Variants in LPAR1 observed in about 807,000 individuals in gnomAD.
LPAR1 encodes lysophosphatidic acid receptor 1, also known as LPA receptor 1.
A neutral mutation model predicts 23.8 loss-of-function variants in LPAR1; 5 were observed. The ratio of observed to expected loss-of-function variants is 0.21; its 90% CI spans 0.11 to 0.44. The LOEUF is 0.44. Among genes scored for constraint, LPAR1 ranks in the 20% least tolerant of loss-of-function variants. The probability of loss-of-function intolerance (pLI) is 0.99; values close to 1 mark genes in which losing one functional copy is unlikely to be tolerated. For synonymous variants in LPAR1, 160 were observed against 164.7 expected (o/e 0.97, Z 0.22); for missense variants, 311 against 482.8 (o/e 0.64, Z 3.33).
At chr9:110,952,935 A>G (rs1468054062) in intron 4 of LPAR1, among the ~76,000 whole-genome samples, 4 of 152,148 alleles carry the variant, frequency 2.6e-5, no homozygotes, top group Admixed American at 6.5e-5. Flanking sequence ...GCACCTGAGC[A>G]CACTTCCTGG....
At position 110,939,956 on chromosome 9, in the gene LPAR1, T is replaced by C. The variant is rs528052409; in HGVS notation, c.793+1465A>G. On this transcript the variant is annotated intron_variant, in intron 5 of 5. Transcript: ENST00000683809. The stretch of plus-strand genomic sequence containing the variant: ...TTATTTCATACAAAAATAGCATCCA[T>C]GGTAAACAAAGATGTGTTTTATCCA... 9.2e-5 allele frequency among the ~76,000 whole-genome samples: 14 copies of C among 152,360 alleles called. 1 individual carries two copies. In the South Asian group the frequency reaches 2.7e-3, roughly 29 times the overall value.
chr9:110,876,430 T>G (rs1254180300), intron 5 of LPAR1, among the ~76,000 whole-genome samples: 1 of 152,362 alleles, frequency 6.6e-6, no homozygotes, highest in South Asian at 2.1e-4. Context: ...ACCCACATAG[T>G]GCTGTCCTAT....
intron 4 of LPAR1, among the ~76,000 whole-genome samples, chr9:110,956,504 C>T (rs1296198787): frequency 1.7e-5 from 2 of 118,450 alleles, no homozygotes. Context: ...TACAAAGGAT[C>T]AACCAAAGAA....
chr9:110,947,290 G>A (rs945110856), intron 4 of LPAR1, among the ~76,000 whole-genome samples: 4 of 152,098 alleles, frequency 2.6e-5, no homozygotes, highest in African/African-American at 9.7e-5. Flanking sequence ...TCTGTAATAC[G>A]AAGTTATAGA....
intron 2 of LPAR1, among the ~76,000 whole-genome samples, chr9:110,975,870 C>T (rs2096543089): frequency 6.6e-6 from 1 of 152,172 alleles, no homozygotes. Flanking sequence ...TTTTGTTGAA[C>T]CTATTCACAC....
intron 2 of LPAR1, among the ~76,000 whole-genome samples, chr9:110,976,747 T>G (rs188898225): frequency 1.7e-3 from 262 of 152,236 alleles, no homozygotes; most frequent in Non-Finnish European, 2.8e-3. Context: ...AGGCATCTCT[T>G]CTCATCTATA....
chr9:110,926,637 A>G (rs1310274872), intron 5 of LPAR1, among the ~76,000 whole-genome samples: 1 of 152,142 alleles, frequency 6.6e-6, no homozygotes, highest in Non-Finnish European at 1.5e-5. Flanking sequence ...TTAGTGTGAA[A>G]CAATCTATTT....
intron 2 of LPAR1, among the ~76,000 whole-genome samples, chr9:111,032,340 G>A (rs931930058): frequency 2.6e-5 from 4 of 152,036 alleles, no homozygotes; most frequent in Admixed American, 6.5e-5. Context: ...CCACCTCACC[G>A]CTGAGGGTCA....
At position 111,038,428 on chromosome 9, in the gene LPAR1, G is replaced by C. The variant is rs959073863; in HGVS notation, c.-523C>G. The C allele has an allele frequency of 3.2e-6, 1 of 314,366 alleles. No individual in the cohort carries two copies. Among genetic ancestry groups the C allele is most frequent in the Non-Finnish European group, 6.2e-6 (1 of 160,614 alleles). 19.5% of individuals were successfully genotyped at this position (314,366 alleles called of 1,614,324 possible). On this transcript the variant is annotated 5_prime_UTR_variant, in exon 1 of 6. Coordinates refer to ENST00000683809, the MANE Select transcript of LPAR1 (RefSeq NM_001351411.2). This position sits in a 1 kb window ranked among gnomAD's most constrained non-coding sequence, Gnocchi z 4.4. Reference sequence around the variant, plus strand: ...GCGCTCCGCAGCGGGGCTGGAGACGGAGTCGCCACTCAGGGAGCGTCAGCC... The same window carrying C: ...GCGCTCCGCAGCGGGGCTGGAGACGCAGTCGCCACTCAGGGAGCGTCAGCC...
intron 5 of LPAR1, among the ~76,000 whole-genome samples, chr9:110,876,977 C>T (rs1397736144): frequency 1.3e-5 from 2 of 152,156 alleles, no homozygotes; most frequent in African/African-American, 4.8e-5. Flanking sequence ...TCCCATTACA[C>T]CTCACCTAAT....
chr9:110,913,554 GTA>G (rs57807795), intron 5 of LPAR1, among the ~76,000 whole-genome samples: 13 of 150,808 alleles, frequency 8.6e-5, no homozygotes, highest in Admixed American at 2.6e-4. Context: ...ATTTTAATAA[GTA>G]TATATATATA....
At chr9:110,896,448 C>T (rs1257593608) in intron 5 of LPAR1, among the ~76,000 whole-genome samples, 2 of 152,148 alleles carry the variant, frequency 1.3e-5, no homozygotes, top group African/African-American at 4.8e-5. Context: ...AAAGGCAACT[C>T]AGAATGTTTT....
chr9:110,932,267 T>A (rs1367546676), intron 5 of LPAR1, among the ~76,000 whole-genome samples: 1 of 152,192 alleles, frequency 6.6e-6, no homozygotes, highest in African/African-American at 2.4e-5. Flanking sequence ...GGAAGTAAGA[T>A]AAAGCCCTGG....
intron 4 of LPAR1, among the ~76,000 whole-genome samples, chr9:110,970,319 G>T (rs1211294990): frequency 1.3e-5 from 2 of 152,126 alleles, no homozygotes; most frequent in Non-Finnish European, 2.9e-5. Flanking sequence ...ACTTTGAAAT[G>T]GTGACCTCAG....
chr9:111,025,595 G>C (rs941770944), intron 2 of LPAR1, among the ~76,000 whole-genome samples: 4 of 152,152 alleles, frequency 2.6e-5, no homozygotes, highest in African/African-American at 9.7e-5. Flanking sequence ...AATCACTTTT[G>C]GTGTTTTAGT....
chr9:110,969,667 G>A lies in LPAR1; in HGVS notation c.45+2406C>T, dbSNP rs182808771. 1.7e-3 allele frequency among the ~76,000 whole-genome samples: 250 copies of A among 151,456 alleles called. 1 individual carries two copies. The highest frequency in any genetic ancestry group is 4.7e-3 in the African/African-American group (193 of 41,294). ...GTGGAGGTTGCAGTGAGACAAGATC[G>A]TGCCACTACACTCCAGCCTGGGCAA... On this transcript the variant is annotated intron_variant, in intron 4 of 5. Coordinates refer to ENST00000683809, the MANE Select transcript of LPAR1 (RefSeq NM_001351411.2).
rs562714555 is a variant in LPAR1 at position 110,899,428 on chromosome 9, G to A, written c.794-23706C>T. On this transcript the variant is annotated intron_variant, in intron 5 of 5. Coordinates refer to ENST00000683809, the MANE Select transcript of LPAR1 (RefSeq NM_001351411.2). ...AATGCAATGTAGTCAGTGTCTTTGGGAGAATATAGAGATGAAATAATACAC... is the reference window on the plus strand; with the variant it reads ...AATGCAATGTAGTCAGTGTCTTTGGAAGAATATAGAGATGAAATAATACAC... Among the ~76,000 whole-genome samples the A allele has an allele frequency of 2.6e-5, 4 of 152,324 alleles. No homozygotes were observed. The East Asian group carries it at 7.7e-4, about 29-fold the overall frequency.
At chr9:111,017,967 C>T (rs772683107) in intron 2 of LPAR1, among the ~76,000 whole-genome samples, 2 of 151,878 alleles carry the variant, frequency 1.3e-5, no homozygotes, top group South Asian at 2.1e-4. Flanking sequence ...TGCAGTGAGC[C>T]GAGATGGCGC....
At chr9:110,934,296 C>T (rs1047956906) in intron 5 of LPAR1, 1 of 152,264 alleles carries the variant, frequency 6.6e-6, no homozygotes, top group Admixed American at 6.5e-5. Context: ...GGCTCTCCCA[C>T]AGGAAAGTAA....
Sources: gnomAD v4.1 joint callset for allele counts (sites outside exome capture counted in the v4.1 genomes callset) on GRCh38, gnomAD v4.1.1 for gene constraint, Gnocchi (gnomAD v3.1) non-coding constraint, MANE v1.5 for transcripts, NCBI Gene and HGNC (gene_info 2026-07-23, HGNC 2026-07-21) for gene names.